Variants in MMP26 observed in about 807,000 individuals in gnomAD.
MMP26 encodes matrix metalloproteinase-26.
MMP26 carries 33 observed loss-of-function variants against 31.0 expected under a neutral mutation model. The observed-to-expected ratio is 1.06, with a 90% CI of 0.81 to 1.42. The LOEUF (loss-of-function observed/expected upper bound fraction) is 1.42. Among genes scored for constraint, MMP26 ranks in the 40% most tolerant of loss-of-function variants. The pLI is 0.00. For missense variants in MMP26, 347 were observed against 316.1 expected, an observed-to-expected ratio of 1.10 and a Z score of -0.74; for synonymous variants, 122 against 114.9, an observed-to-expected ratio of 1.06 and a Z score of -0.40.
At chr11:4,720,068 G>T (rs912641622) in intron 1 of MMP26, among the ~76,000 whole-genome samples, 3 of 152,008 alleles carry the variant, frequency 2.0e-5, no homozygotes, top group African/African-American at 7.2e-5. Flanking sequence ...ACTTTCCTTT[G>T]CCTCTGGCCT....
Position 4,978,040 on chromosome 11 carries a change from T to C in MMP26, c.-144-10028T>C, listed in dbSNP as rs570521643. 3.3e-5 allele frequency among the ~76,000 whole-genome samples: 5 copies of C among 152,108 alleles called. No individual in the cohort carries two copies. In the South Asian group the frequency reaches 1.0e-3, roughly 32 times the overall value. On this transcript the variant is annotated intron_variant, in intron 2 of 7. Transcript: ENST00000380390. ...TTTTATGATAGTGAGTGAGTTCTCA[T>C]GAGATCTCATGGTTTTATAAGGAGC...
chr11:4,801,616 C>T (rs1849184197), intron 2 of MMP26, among the ~76,000 whole-genome samples: 1 of 151,858 alleles, frequency 6.6e-6, no homozygotes, highest in Non-Finnish European at 1.5e-5. Flanking sequence ...GATCTCTGCT[C>T]ACCGCAACCT....
chr11:4,870,690 T>C (rs1166902461), intron 2 of MMP26, among the ~76,000 whole-genome samples: 2 of 152,076 alleles, frequency 1.3e-5, no homozygotes, highest in Non-Finnish European at 2.9e-5. Context: ...TGTGGTGTGG[T>C]TAGTGATTTA....
At chr11:4,727,365 C>G (rs1373488440) in intron 1 of MMP26, among the ~76,000 whole-genome samples, 2 of 151,900 alleles carry the variant, frequency 1.3e-5, no homozygotes, top group African/African-American at 4.8e-5. Context: ...ATAGCATTTG[C>G]TAAAATGTTT....
chr11:4,969,497 A>T (rs1846637597), intron 2 of MMP26, among the ~76,000 whole-genome samples: 1 of 152,058 alleles, frequency 6.6e-6, no homozygotes, highest in Non-Finnish European at 1.5e-5. Context: ...CTCATATCTC[A>T]AGTAATTTAC....
intron 1 of MMP26, among the ~76,000 whole-genome samples, chr11:4,744,791 T>C (rs1483633834): frequency 1.3e-5 from 2 of 152,188 alleles, no homozygotes; most frequent in African/African-American, 4.8e-5. Context: ...AAAAATTATA[T>C]ATATGTGCAG....
chr11:4,986,140 C>T (rs1013247765), intron 2 of MMP26, among the ~76,000 whole-genome samples: 2 of 152,050 alleles, frequency 1.3e-5, no homozygotes, highest in Admixed American at 6.6e-5. Context: ...AGATTTGAAG[C>T]GAATTTTCTC....
intron 2 of MMP26, chr11:4,848,138 T>C: frequency 7.9e-7 from 1 of 1,266,388 alleles, no homozygotes; most frequent in Non-Finnish European, 1.1e-6. Context: ...TATGCACTTA[T>C]GTGTACGTGA....
intron 2 of MMP26, among the ~76,000 whole-genome samples, chr11:4,852,211 C>T (rs1306344267): frequency 2.6e-5 from 4 of 151,400 alleles, no homozygotes; most frequent in Non-Finnish European, 5.9e-5. Flanking sequence ...TGAACCAAAA[C>T]TGATAAAATT....
intron 2 of MMP26, chr11:4,822,533 C>A (rs1849524987): frequency 3.4e-6 from 2 of 581,412 alleles, no homozygotes; most frequent in Middle Eastern, 2.8e-4. Flanking sequence ...TCAATAAATT[C>A]ATGTCATTGC....
At chr11:4,713,246 A>G (rs941291047) in intron 1 of MMP26, among the ~76,000 whole-genome samples, 6 of 152,264 alleles carry the variant, frequency 3.9e-5, no homozygotes, top group Admixed American at 6.6e-5. Flanking sequence ...ACTAAGTTCC[A>G]TGCTGTGTTA....
chr11:4,758,466 GAAAAAAAAA>G (rs376347621), intron 1 of MMP26, among the ~76,000 whole-genome samples: 4 of 93,346 alleles, frequency 4.3e-5, no homozygotes, highest in Non-Finnish European at 9.2e-5. Context: ...CATCCATTTG[GAAAAAAAAA>G]AAAAAAAAAA....
At chr11:4,788,740 T>A (rs906932069) in intron 2 of MMP26, among the ~76,000 whole-genome samples, 4 of 152,124 alleles carry the variant, frequency 2.6e-5, no homozygotes, top group Non-Finnish European at 5.9e-5. Context: ...AGAGTTGGGC[T>A]CAAAAACAGG....
chr11:4,778,033 T>G (rs73399021), intron 2 of MMP26, among the ~76,000 whole-genome samples: 14,414 of 151,986 alleles, frequency 0.095, 851 homozygotes, highest in Middle Eastern at 0.15. Context: ...GGCCAAAAAG[T>G]TTTCCACAGA....
At chr11:4,761,411 A>G (rs1848567792) in intron 1 of MMP26, among the ~76,000 whole-genome samples, 1 of 152,144 alleles carries the variant, frequency 6.6e-6, no homozygotes, top group African/African-American at 2.4e-5. Flanking sequence ...ATTTATCTCT[A>G]TGAGTGGAAA....
At chr11:4,715,740 T>C (rs189867820) in intron 1 of MMP26, among the ~76,000 whole-genome samples, 3 of 152,250 alleles carry the variant, frequency 2.0e-5, no homozygotes, top group East Asian at 3.9e-4. Flanking sequence ...TTGGTAGAAT[T>C]CTAAAAGGGC....
chr11:4,729,839 C>T (rs772863807), intron 1 of MMP26, among the ~76,000 whole-genome samples: 69 of 151,952 alleles, frequency 4.5e-4, no homozygotes, highest in African/African-American at 1.6e-3. Context: ...AACAATTCTC[C>T]CAATCTGATC....
At chr11:4,896,437 C>G (rs1850704561) in intron 2 of MMP26, among the ~76,000 whole-genome samples, 1 of 152,080 alleles carries the variant, frequency 6.6e-6, no homozygotes, top group Non-Finnish European at 1.5e-5. Flanking sequence ...TGAAAATTCC[C>G]AGAGGAGACC....
chr11:4,869,866 T>C (rs954202994), intron 2 of MMP26, among the ~76,000 whole-genome samples: 12 of 152,144 alleles, frequency 7.9e-5, no homozygotes, highest in Admixed American at 4.6e-4. Flanking sequence ...GGCACATATA[T>C]ATACACCAGG....
Sources: allele counts gnomAD v4.1 joint callset (sites outside exome capture counted in the v4.1 genomes callset), GRCh38; gene constraint gnomAD v4.1.1; transcripts MANE v1.5; gene names NCBI Gene and HGNC (gene_info 2026-07-23, HGNC 2026-07-21).